Variants in RGS12 observed in about 807,000 individuals in gnomAD.
RGS12 encodes regulator of G protein signaling 12.
A neutral mutation model predicts 120.1 loss-of-function variants in RGS12; 66 were observed. The ratio of observed to expected loss-of-function variants is 0.55; its 90% CI spans 0.45 to 0.67. The LOEUF (loss-of-function observed/expected upper bound fraction) is 0.67, where lower values mean the gene tolerates loss of function less well. Among genes scored for constraint, RGS12 ranks in the 30% least tolerant of loss-of-function variants. RGS12 has a pLI of 0.00. For synonymous variants in RGS12, 827 were observed against 804.7 expected (o/e 1.03, Z -0.47); for missense variants, 1,859 against 1,957.7 (o/e 0.95, Z 0.95).
In RGS12 at chr4:3,425,467, G is replaced by A; in HGVS notation, c.3238G>A (p.Gly1080Arg). The change falls in exon 14 of 18, where the codon GGA (glycine) becomes AGA (arginine). Residue 1080 changes from glycine to arginine, a missense_variant. Gly to Arg is a moderately radical substitution (Grantham distance 125, BLOSUM62 -2). Coordinates refer to ENST00000336727, the MANE Select transcript of RGS12 (RefSeq NM_001394154.1). ...DLSGLLVRLS[G>R]EKEPLDLGAP... ...TCAGTGCTGATCTCTGCCCTAGAGT[G>A]GAGAGAAGGAGCCCCTGGACCTTGG... 6.2e-7 allele frequency: 1 copy of A among 1,611,984 alleles called. No homozygotes were observed. Among genetic ancestry groups the A allele is most frequent in the South Asian group, 1.1e-5 (1 of 90,996 alleles).
At position 3,302,967 on chromosome 4, in the gene RGS12, C is replaced by T. The variant is rs543460271; in HGVS notation, c.-102+9868C>T. Among the ~76,000 whole-genome samples the T allele has an allele frequency of 3.3e-5, 5 of 152,274 alleles. No individual in the cohort carries two copies. In the East Asian group the frequency reaches 5.8e-4, roughly 18 times the overall value. On this transcript the variant is annotated intron_variant, in intron 1 of 17. Coordinates refer to ENST00000336727, the MANE Select transcript of RGS12 (RefSeq NM_001394154.1). Reference sequence around the variant, plus strand: ...CCCGGGGCAGCTGGCCCTGGGAGTTCAGGACCGTCACTGGTTGCCTGTTCG... The same window carrying T: ...CCCGGGGCAGCTGGCCCTGGGAGTTTAGGACCGTCACTGGTTGCCTGTTCG...
chr4:3,386,992 T>G (rs1191676603), intron 4 of RGS12, among the ~76,000 whole-genome samples: 2 of 152,236 alleles, frequency 1.3e-5, no homozygotes, highest in African/African-American at 4.8e-5. Context: ...AATGTCTTAT[T>G]TCACTGAAGA....
rs557243839 is a variant in RGS12, at chr4:3,432,376, G to A, written c.4114+1421G>A. ...TGTGCTCCCAGCAGCACAGCTGTGC[G>A]GCGGGACAGCAGAAGAGCTGGTGGC... is the stretch of plus-strand genomic sequence containing the variant. On this transcript the variant is annotated intron_variant, in intron 17 of 17. Coordinates refer to ENST00000336727, the MANE Select transcript of RGS12 (RefSeq NM_001394154.1). 413 of 191,726 alleles carry A rather than the reference G, an allele frequency of 2.2e-3. 2 individuals are homozygous for A. The highest frequency in any genetic ancestry group is 9.1e-3 in the African/African-American group (387 of 42,312). The allele number at this position is 191,726 out of a possible 1,614,324, so 11.9% of individuals were successfully genotyped here.
At chr4:3,291,201 C>T (rs936281251), upstream of RGS12, among the ~76,000 whole-genome samples, 4 of 152,248 alleles carry the variant, frequency 2.6e-5, no homozygotes, top group Non-Finnish European at 5.9e-5. Flanking sequence ...TTGTCCCTGC[C>T]CTGGAGCCTC....
chr4:3,360,884 C>T (rs1261309743), intron 3 of RGS12, among the ~76,000 whole-genome samples: 1 of 152,220 alleles, frequency 6.6e-6, no homozygotes, highest in African/African-American at 2.4e-5. Context: ...TTTGAGTAGA[C>T]ATTTTACTAC....
At chr4:3,410,950 G>C (rs1721673967) in intron 4 of RGS12, among the ~76,000 whole-genome samples, 1 of 152,212 alleles carries the variant, frequency 6.6e-6, no homozygotes, top group African/African-American at 2.4e-5. Context: ...TTCCTGTCCA[G>C]GGACTTGGCT....
Position 3,417,438 on chromosome 4 carries a change from T to A in RGS12, c.2658T>A (p.Asp886Glu), listed in dbSNP as rs187145202. The change falls in exon 9 of 18, where the codon GAT becomes GAA. Residue 886 changes from aspartate to glutamate, a missense_variant. By Grantham distance (45) the Asp-to-Glu change is conservative (BLOSUM62 2). Around this residue, in one of 3 missense-constraint regions of RGS12, gnomAD observed 375 missense variants for 475.0 expected, o/e 0.79. Transcript: ENST00000336727. ...SGRSLNEELG[D>E]EDSEKKRKGA... ...GATCCCTGAATGAAGAGCTGGGGGATGAGGACAGCGAGAAGAAGCGGAAAG... is the reference window on the plus strand; with the variant it reads ...GATCCCTGAATGAAGAGCTGGGGGAAGAGGACAGCGAGAAGAAGCGGAAAG... The A allele has an allele frequency of 6.2e-7, 1 of 1,606,830 alleles. No homozygotes were observed. Among genetic ancestry groups the A allele is most frequent in the Admixed American group, 1.7e-5 (1 of 59,214 alleles).
In RGS12 at chr4:3,317,632, G is replaced by T. The variant is rs1724874968; in HGVS notation, c.1462G>T (p.Ala488Ser). Residue 488 changes from alanine (A) to serine (S), a missense_variant, in exon 2 of 18, where the codon GCC (alanine) becomes TCC (serine). Transcript: ENST00000336727. ...PDPEGSPPFE[A>S]AHQTDRFWDL... ...CCCCGAAGGGAGCCCCCCATTTGAG[G>T]CCGCTCATCAGACTGACAGGTTCTG... is the stretch of plus-strand genomic sequence containing the variant. The T allele has an allele frequency of 6.3e-7, 1 of 1,589,212 alleles. No homozygotes were observed. Among genetic ancestry groups the T allele is most frequent in the South Asian group, 1.1e-5 (1 of 88,318 alleles).
intron 3 of RGS12, among the ~76,000 whole-genome samples, chr4:3,368,265 C>T (rs1221569475): frequency 6.6e-6 from 1 of 152,214 alleles, no homozygotes; most frequent in African/African-American, 2.4e-5. Flanking sequence ...GGGGCTCACC[C>T]AGCCACCCCA....
At position 3,439,628 on chromosome 4, in the gene RGS12, G is replaced by A. The variant is rs533547566; in HGVS notation, c.4288G>A (p.Val1430Ile). 1.3e-5 allele frequency: 20 copies of A among 1,596,300 alleles called. No individual in the cohort carries two copies. Among genetic ancestry groups the A allele is most frequent in the African/African-American group, 8.0e-5 (6 of 74,808 alleles). Reference protein sequence around the residue: ...PTSDLPGLGPVPGEPAKPKTS... With the variant: ...PTSDLPGLGPIPGEPAKPKTS... ...ATCAGACCTCCCTGGCTTGGGCCCC[G>A]TCCCGGGTGAGCCTGCTAAGCCCAA... Residue 1430 changes from valine to isoleucine, a missense_variant, in exon 18 of 18, where the codon GTC becomes ATC. Coordinates refer to ENST00000336727, the MANE Select transcript of RGS12 (RefSeq NM_001394154.1).
At chr4:3,428,257 C>A in intron 15 of RGS12, 88 bp downstream of exon 15, 1 of 1,200,086 alleles carries the variant, frequency 8.3e-7, no homozygotes, top group Non-Finnish European at 1.2e-6. Context: ...GCTTCCTTAC[C>A]GCCTGCTTAT....
intron 4 of RGS12, among the ~76,000 whole-genome samples, chr4:3,409,952 C>A (rs138576860): frequency 1.3e-5 from 2 of 152,216 alleles, no homozygotes; most frequent in African/African-American, 4.8e-5. Flanking sequence ...GGGTGAACTT[C>A]GTGCTGCTCC....
chr4:3,435,315 A>C (rs1724701622), intron 17 of RGS12, among the ~76,000 whole-genome samples: 1 of 152,044 alleles, frequency 6.6e-6, no homozygotes, highest in Non-Finnish European at 1.5e-5. Flanking sequence ...ATGCAGCCCC[A>C]CCTGGCTCCT....
chr4:3,427,690 C>T (rs151028888), intron 14 of RGS12, among the ~76,000 whole-genome samples: 7,924 of 152,018 alleles, frequency 0.052, 307 homozygotes, highest in East Asian at 0.13. Flanking sequence ...GAGCCGAGAT[C>T]GTGCCACTGC....
chr4:3,410,495 A>G (rs545766898), intron 4 of RGS12, among the ~76,000 whole-genome samples: 1 of 152,220 alleles, frequency 6.6e-6, no homozygotes, highest in Non-Finnish European at 1.5e-5. Context: ...GGGGCTGTCC[A>G]GCCAGCTCTG....
intron 3 of RGS12, among the ~76,000 whole-genome samples, chr4:3,350,408 G>A (rs966790340): frequency 5.9e-5 from 9 of 152,216 alleles, no homozygotes; most frequent in Non-Finnish European, 1.3e-4. Flanking sequence ...TCAGCTGGGT[G>A]TGGTGGCTCA....
intron 1 of RGS12, among the ~76,000 whole-genome samples, chr4:3,302,386 T>TGGG (rs1723735164): frequency 1.4e-5 from 1 of 69,378 alleles, no homozygotes; most frequent in African/African-American, 5.4e-5. Context: ...CTGGGGTGGG[T>TGGG]GGGGTTGGGG....
At chr4:3,406,592 G>A (rs146253546) in intron 4 of RGS12, among the ~76,000 whole-genome samples, 71 of 152,342 alleles carry the variant, frequency 4.7e-4, no homozygotes, top group African/African-American at 1.7e-3. Flanking sequence ...TGTCCTAACT[G>A]CAGAGAGTGC....
chr4:3,406,632 C>T (rs1186143043), intron 4 of RGS12, among the ~76,000 whole-genome samples: 1 of 152,220 alleles, frequency 6.6e-6, no homozygotes, highest in Non-Finnish European at 1.5e-5. Flanking sequence ...GACTGTGTGT[C>T]ACCCGCCCTC....
Sources: allele counts gnomAD v4.1 joint callset (sites outside exome capture counted in the v4.1 genomes callset), GRCh38; gene constraint gnomAD v4.1.1; regional missense constraint gnomAD v4.1.1; transcripts MANE v1.5; gene names NCBI Gene and HGNC (gene_info 2026-07-23, HGNC 2026-07-21).